The following ZBTB8OS variants were observed in gnomAD, a reference collection of about 807,000 sequenced individuals.
ZBTB8OS encodes the protein tRNA splicing ligase complex subunit 1.
ZBTB8OS carries 16 observed loss-of-function variants against 29.3 expected under a neutral mutation model. The observed-to-expected ratio is 0.55, with a 90% confidence interval of 0.37 to 0.83. The LOEUF is 0.83. ZBTB8OS is among the 40% of genes least tolerant of loss of function. The probability of loss-of-function intolerance (pLI) is 0.00; values close to 1 mark genes in which losing one functional copy is unlikely to be tolerated. For synonymous variants in ZBTB8OS, 70 were observed against 64.6 expected (o/e 1.08, Z -0.40); for missense variants, 160 against 196.9 (o/e 0.81, Z 1.12).
At chr1:32,634,555 G>T (rs1041925336) in intron 2 of ZBTB8OS, 1 of 583,708 alleles carries the variant, frequency 1.7e-6, no homozygotes, top group Non-Finnish European at 3.0e-6. Flanking sequence ...TTTGAGATGG[G>T]GTCTCTCTGT....
intron 1 of ZBTB8OS, among the ~76,000 whole-genome samples, chr1:32,644,067 G>A (rs1211510273): frequency 1.3e-5 from 2 of 151,816 alleles, no homozygotes; most frequent in East Asian, 1.9e-4. Flanking sequence ...GGGGAGGGGG[G>A]GTCTAGTTAA....
At chr1:32,631,957 G>GT (rs965968296) in intron 4 of ZBTB8OS, 78 bp from the exon 5 acceptor site, 218 of 171,502 alleles carry the variant, frequency 1.3e-3, no homozygotes, top group Non-Finnish European at 1.2e-3. Context: ...GTTCTGTTTT[G>GT]TTTTTTTGGA....
chr1:32,632,627 G>GC (rs1040103696), intron 4 of ZBTB8OS, among the ~76,000 whole-genome samples: 2 of 152,016 alleles, frequency 1.3e-5, no homozygotes, highest in Admixed American at 6.6e-5. Context: ...TCGCCATGTT[G>GC]CCCAAGCTGA....
chr1:32,628,499 T>C (rs1184059862), intron 5 of ZBTB8OS, among the ~76,000 whole-genome samples: 1 of 151,246 alleles, frequency 6.6e-6, no homozygotes, highest in East Asian at 1.9e-4. Flanking sequence ...TAGCCAGGCG[T>C]GGTGGTAGGC....
At chr1:32,643,956 A>G (rs932376169) in intron 1 of ZBTB8OS, among the ~76,000 whole-genome samples, 1 of 152,032 alleles carries the variant, frequency 6.6e-6, no homozygotes, top group African/African-American at 2.4e-5. Flanking sequence ...GAGACAAATT[A>G]AGAGTCTTTT....
chr1:32,644,949 G>A (rs1253155611), intron 1 of ZBTB8OS, among the ~76,000 whole-genome samples: 6 of 151,894 alleles, frequency 4.0e-5, no homozygotes. Flanking sequence ...GGGAGGCCGA[G>A]GTGGGCAGAT....
intron 2 of ZBTB8OS, 104 bp downstream of exon 2, chr1:32,634,664 A>T: frequency 6.9e-7 from 1 of 1,445,258 alleles, no homozygotes; most frequent in Non-Finnish European, 9.7e-7. Flanking sequence ...ATTGTGAAGG[A>T]ACCAAAATGA....
chr1:32,638,008 T>C (rs1399225690), intron 1 of ZBTB8OS, among the ~76,000 whole-genome samples: 1 of 151,994 alleles, frequency 6.6e-6, no homozygotes, highest in Non-Finnish European at 1.5e-5. Context: ...TAATTTTTTG[T>C]ATTTTTTAAG....
At chr1:32,635,094 T>C (rs1487298057) in intron 1 of ZBTB8OS, among the ~76,000 whole-genome samples, 1 of 151,926 alleles carries the variant, frequency 6.6e-6, no homozygotes, top group Non-Finnish European at 1.5e-5. Flanking sequence ...ATTCCAGGTT[T>C]CTGTCTCACC....
chr1:32,622,630 G>A (rs1275635821), intron 6 of ZBTB8OS, among the ~76,000 whole-genome samples: 3 of 151,910 alleles, frequency 2.0e-5, no homozygotes, highest in Non-Finnish European at 2.9e-5. Flanking sequence ...GATTACCTAG[G>A]TGACAAAATT....
intron 1 of ZBTB8OS, among the ~76,000 whole-genome samples, chr1:32,648,471 C>G (rs1461020292): frequency 6.6e-6 from 1 of 152,104 alleles, no homozygotes; most frequent in South Asian, 2.1e-4. Context: ...TAGAAATAGC[C>G]TAAACGTCCA....
At chr1:32,646,765 G>A (rs1235750793) in intron 1 of ZBTB8OS, among the ~76,000 whole-genome samples, 1 of 151,494 alleles carries the variant, frequency 6.6e-6, no homozygotes, top group Non-Finnish European at 1.5e-5. Flanking sequence ...GGCCGGGAGT[G>A]GTGGCTCATG....
upstream of ZBTB8OS, chr1:32,650,684 C>T (rs777156768): frequency 5.8e-6 from 8 of 1,376,664 alleles, no homozygotes; most frequent in Non-Finnish European, 7.9e-6. Context: ...AGTCCCTACC[C>T]TGCCGCTTGG....
intron 1 of ZBTB8OS, among the ~76,000 whole-genome samples, chr1:32,647,482 TC>T (rs1646946436): frequency 6.7e-6 from 1 of 148,750 alleles, no homozygotes; most frequent in African/African-American, 2.5e-5. Flanking sequence ...ATGCAGGGGG[TC>T]CCCAACCCCC....
At chr1:32,647,935 G>A (rs747885967) in intron 1 of ZBTB8OS, among the ~76,000 whole-genome samples, 16 of 152,072 alleles carry the variant, frequency 1.1e-4, no homozygotes, top group Admixed American at 2.6e-4. Context: ...ACTGACTTCC[G>A]TGAAACCAGT....
At chr1:32,644,922 T>C (rs1258182268) in intron 1 of ZBTB8OS, among the ~76,000 whole-genome samples, 1 of 152,046 alleles carries the variant, frequency 6.6e-6, no homozygotes, top group Non-Finnish European at 1.5e-5. Flanking sequence ...GGCTCACGCC[T>C]GTAATCCCAG....
chr1:32,645,064 G>A (rs1233992393), intron 1 of ZBTB8OS, among the ~76,000 whole-genome samples: 5 of 151,780 alleles, frequency 3.3e-5, no homozygotes, highest in Admixed American at 6.6e-5. Flanking sequence ...CTGCAGTCCT[G>A]GCTACTCAGG....
At chr1:32,633,048 T>C (rs1645695139) in intron 4 of ZBTB8OS, among the ~76,000 whole-genome samples, 1 of 152,220 alleles carries the variant, frequency 6.6e-6, no homozygotes, top group Non-Finnish European at 1.5e-5. Flanking sequence ...TGCAGATGTG[T>C]TCCCTTCTAA....
At chr1:32,636,378 T>C (rs539694145) in intron 1 of ZBTB8OS, among the ~76,000 whole-genome samples, 24 of 152,194 alleles carry the variant, frequency 1.6e-4, no homozygotes, top group South Asian at 2.1e-4. Flanking sequence ...AGTTAACCCA[T>C]TGGGCGGTTA....
Sources: allele counts gnomAD v4.1 joint callset (sites outside exome capture counted in the v4.1 genomes callset), GRCh38; gene constraint gnomAD v4.1.1; transcripts MANE v1.5; gene names NCBI Gene and HGNC (gene_info 2026-07-23, HGNC 2026-07-21).